Variants in UST observed in about 807,000 individuals in gnomAD.
The protein encoded by UST is uronyl 2-sulfotransferase, also known as chondroitin sulfate 2-O-sulfotransferase.
Under a neutral mutation model 45.6 loss-of-function variants are expected in UST, and 21 were observed. That is an observed-to-expected ratio of 0.46 (90% CI 0.33 to 0.66). The LOEUF is 0.66. UST is among the 30% of genes least tolerant of loss of function. UST has a pLI of 0.02. For missense variants in UST, 463 were observed against 512.4 expected, an observed-to-expected ratio of 0.90 and a Z score of 0.93; for synonymous variants, 215 against 200.6, an observed-to-expected ratio of 1.07 and a Z score of -0.61.
intron 5 of UST, among the ~76,000 whole-genome samples, chr6:148,984,340 T>G (rs1390720851): frequency 6.6e-6 from 1 of 152,086 alleles, no homozygotes; most frequent in Non-Finnish European, 1.5e-5. Flanking sequence ...CGTGCATAGG[T>G]CAAGGGTCCC....
chr6:148,925,164 G>C (rs1779788057), intron 2 of UST, among the ~76,000 whole-genome samples: 1 of 152,092 alleles, frequency 6.6e-6, no homozygotes, highest in Non-Finnish European at 1.5e-5. Flanking sequence ...GTGTATGAGA[G>C]AAAAAGAAGG....
intron 1 of UST, among the ~76,000 whole-genome samples, chr6:148,850,638 A>G (rs919369076): frequency 6.6e-6 from 1 of 152,206 alleles, no homozygotes; most frequent in Non-Finnish European, 1.5e-5. Flanking sequence ...GCAGGAATGG[A>G]TGGAGGTCTG....
intron 5 of UST, among the ~76,000 whole-genome samples, chr6:149,006,075 A>G (rs937409042): frequency 6.6e-5 from 10 of 152,208 alleles, no homozygotes; most frequent in Admixed American, 5.2e-4. Flanking sequence ...CACTCATCCT[A>G]TACCATATTT....
chr6:149,029,575 TTC>T (rs944167267), intron 7 of UST, among the ~76,000 whole-genome samples: 3 of 150,778 alleles, frequency 2.0e-5, no homozygotes, highest in South Asian at 4.2e-4. Flanking sequence ...ATTAAACAAA[TTC>T]TCTCTTTCAT....
At chr6:148,960,256 T>C (rs1160954376) in intron 4 of UST, among the ~76,000 whole-genome samples, 1 of 152,136 alleles carries the variant, frequency 6.6e-6, no homozygotes, top group East Asian at 1.9e-4. Context: ...GCCATTGCAC[T>C]CCAGCCTGGG....
intron 5 of UST, among the ~76,000 whole-genome samples, chr6:148,971,715 G>A (rs937318777): frequency 6.6e-6 from 1 of 152,246 alleles, no homozygotes. Flanking sequence ...GCTGGGTGCA[G>A]TGATGTGGGC....
chr6:148,996,764 G>A (rs540975197), intron 5 of UST, among the ~76,000 whole-genome samples: 1 of 152,182 alleles, frequency 6.6e-6, no homozygotes, highest in African/African-American at 2.4e-5. Context: ...TATGTGTGTA[G>A]AAGTTATTCT....
intron 1 of UST, among the ~76,000 whole-genome samples, 179 bp downstream of exon 1, chr6:148,747,856 C>T (rs989790872): frequency 3.3e-5 from 5 of 152,148 alleles, no homozygotes; most frequent in African/African-American, 1.2e-4. Context: ...TCCTCCCGCG[C>T]GTCCGACTGT....
chr6:149,065,068 G>T (rs1023601338), intron 7 of UST, among the ~76,000 whole-genome samples: 1 of 152,166 alleles, frequency 6.6e-6, no homozygotes, highest in Non-Finnish European at 1.5e-5. Context: ...CTCAGTTCCT[G>T]CTAGGATCAG....
intron 4 of UST, among the ~76,000 whole-genome samples, chr6:148,963,432 A>T (rs1780710969): frequency 6.6e-6 from 1 of 152,220 alleles, no homozygotes; most frequent in Admixed American, 6.5e-5. Flanking sequence ...TCAAAGAGAA[A>T]AAGAAGGAAT....
intron 1 of UST, among the ~76,000 whole-genome samples, chr6:148,749,065 A>G (rs567120956): frequency 7.2e-5 from 11 of 152,340 alleles, no homozygotes; most frequent in South Asian, 4.1e-4. Flanking sequence ...ACAAGACCTC[A>G]TATTTTAAAA....
At chr6:148,774,256 C>T (rs925516944) in intron 1 of UST, among the ~76,000 whole-genome samples, 12 of 137,894 alleles carry the variant, frequency 8.7e-5, no homozygotes, top group South Asian at 7.0e-4. Flanking sequence ...TCTGTTAAAG[C>T]GAACAAGGTT....
At chr6:149,064,162 C>T (rs1012058001) in intron 7 of UST, among the ~76,000 whole-genome samples, 3 of 152,168 alleles carry the variant, frequency 2.0e-5, no homozygotes, top group African/African-American at 7.2e-5. Flanking sequence ...GAGTGAGATG[C>T]CCTCTCTGCC....
chr6:148,791,249 G>A (rs1221416594), intron 1 of UST, among the ~76,000 whole-genome samples: 1 of 152,120 alleles, frequency 6.6e-6, no homozygotes, highest in Non-Finnish European at 1.5e-5. Flanking sequence ...CAATTATCTG[G>A]CCCCAAATGT....
intron 1 of UST, among the ~76,000 whole-genome samples, chr6:148,839,063 A>T (rs1277040494): frequency 1.3e-5 from 2 of 152,226 alleles, no homozygotes; most frequent in Non-Finnish European, 2.9e-5. Context: ...TCAAACTTTA[A>T]TGTGCAGAGT....
chr6:148,827,414 C>T (rs1391080849), intron 1 of UST, among the ~76,000 whole-genome samples: 1 of 152,036 alleles, frequency 6.6e-6, no homozygotes, highest in Non-Finnish European at 1.5e-5. Flanking sequence ...GAGGTCAGGA[C>T]TTTGAGACTA....
At chr6:148,773,413 A>G (rs897126504) in intron 1 of UST, among the ~76,000 whole-genome samples, 2 of 151,810 alleles carry the variant, frequency 1.3e-5, no homozygotes, top group Admixed American at 6.6e-5. Flanking sequence ...GTGAGCCAAG[A>G]TTGTGCCACT....
chr6:148,833,637 G>A (rs1476946652), intron 1 of UST, among the ~76,000 whole-genome samples: 1 of 152,224 alleles, frequency 6.6e-6, no homozygotes, highest in Non-Finnish European at 1.5e-5. Context: ...GGAAATTTAG[G>A]TGGAGGACAA....
chr6:148,923,603 A>T (rs1339074885), intron 2 of UST, among the ~76,000 whole-genome samples: 2 of 152,196 alleles, frequency 1.3e-5, no homozygotes, highest in Non-Finnish European at 2.9e-5. Flanking sequence ...TTTTAGTTAC[A>T]GTTTTAAGAA....
Sources: allele counts gnomAD v4.1 joint callset (sites outside exome capture counted in the v4.1 genomes callset), GRCh38; gene constraint gnomAD v4.1.1; transcripts MANE v1.5; gene names NCBI Gene and HGNC (gene_info 2026-07-23, HGNC 2026-07-21).